Variants in NEXMIF observed in about 807,000 individuals in gnomAD.
NEXMIF encodes the protein XLMR protein related to neurite extension.
NEXMIF carries 8 observed loss-of-function variants against 62.1 expected under a neutral mutation model. That is an observed-to-expected ratio of 0.13 (90% CI 0.08 to 0.23). NEXMIF has a LOEUF of 0.23. Ranked by LOEUF, NEXMIF falls within the 10% of genes least tolerant of loss-of-function variation. The pLI, the probability that NEXMIF is intolerant of heterozygous loss-of-function variation, is 1.00. For missense variants in NEXMIF, 976 were observed against 1,113.3 expected, an observed-to-expected ratio of 0.88 and a Z score of 1.75; for synonymous variants, 404 against 416.6, an observed-to-expected ratio of 0.97 and a Z score of 0.37.
intron 1 of NEXMIF, among the ~76,000 whole-genome samples, chrX:74,787,294 GA>G (rs34477446): frequency 0.014 from 1,335 of 94,858 alleles, 24 homozygotes; most frequent in African/African-American, 0.049. Flanking sequence ...AAAGAAAAAA[GA>G]AAAAAAAAAA....
At chrX:74,796,135 TATATATATTATATATATAC>T (rs1436793283) in intron 1 of NEXMIF, among the ~76,000 whole-genome samples, 1 of 75,255 alleles carries the variant, frequency 1.3e-5, no homozygotes, top group Non-Finnish European at 2.4e-5. Context: ...TTATATATAA[TATATATATTATATATATAC>T]ATATATATTA....
At chrX:74,789,295 G>C (rs1321162219) in intron 1 of NEXMIF, among the ~76,000 whole-genome samples, 5 of 106,123 alleles carry the variant, frequency 4.7e-5, no homozygotes, top group Non-Finnish European at 9.7e-5. Context: ...CCCTACAAAG[G>C]ACATGAACTC....
At chrX:74,791,123 T>C (rs1465302855) in intron 1 of NEXMIF, among the ~76,000 whole-genome samples, 1 of 110,685 alleles carries the variant, frequency 9.0e-6, no homozygotes, top group East Asian at 2.8e-4. Flanking sequence ...TTGTCATAGA[T>C]AGCTCTTATT....
chrX:74,778,976 C>G (rs1602224674), intron 1 of NEXMIF, among the ~76,000 whole-genome samples: 1 of 112,062 alleles, frequency 8.9e-6, no homozygotes, highest in Non-Finnish European at 1.9e-5. Context: ...TCAGAGACAA[C>G]AAAGGCTTTC....
At chrX:74,755,670 C>T (rs1264785089) in intron 1 of NEXMIF, among the ~76,000 whole-genome samples, 1 of 112,005 alleles carries the variant, frequency 8.9e-6, no homozygotes, top group Non-Finnish European at 1.9e-5. Context: ...AACTGCTAGG[C>T]AATCCATGCC....
At chrX:74,814,861 G>A (rs1384582859) in intron 1 of NEXMIF, among the ~76,000 whole-genome samples, 1 of 111,592 alleles carries the variant, frequency 9.0e-6, no homozygotes, top group Non-Finnish European at 1.9e-5. Context: ...CTGAGCTCTG[G>A]GACTAGCTTG....
chrX:74,875,142 GCT>G, intron 1 of NEXMIF, among the ~76,000 whole-genome samples: 1 of 111,104 alleles, frequency 9.0e-6, no homozygotes, highest in Middle Eastern at 4.6e-3. Flanking sequence ...GTCATAGATA[GCT>G]CTTATTATTT....
chrX:74,887,031 C>G (rs1401636832), intron 1 of NEXMIF, among the ~76,000 whole-genome samples: 40 of 111,936 alleles, frequency 3.6e-4, no homozygotes, highest in African/African-American at 1.2e-3. Flanking sequence ...ACAAAGCTGA[C>G]AAAAACAAGC....
chrX:74,745,520 A>T, intron 2 of NEXMIF, 52 bp downstream of exon 2: 1 of 889,118 alleles, frequency 1.1e-6, no homozygotes, highest in Non-Finnish European at 1.7e-6. Flanking sequence ...CCATAGTAAT[A>T]ACAGAGGACT....
intron 1 of NEXMIF, among the ~76,000 whole-genome samples, chrX:74,796,736 T>G (rs1334944408): frequency 9.0e-6 from 1 of 111,313 alleles, no homozygotes; most frequent in Non-Finnish European, 1.9e-5. Flanking sequence ...AAATAAATAT[T>G]AGCCCACATA....
rs748955400 is a variant in NEXMIF at position 74,875,076 on chromosome X, T to G, written c.-48+49807A>C. On this transcript the variant is annotated intron_variant, in intron 1 of 3. Coordinates refer to ENST00000055682, the MANE Select transcript of NEXMIF (RefSeq NM_001008537.3). ...AGGGCATCCCTGTCTTGTGCCAGTT[T>G]TCAAAGGGAATGCTTCCAGTTTTTG... 1.2e-3 allele frequency among the ~76,000 whole-genome samples: 131 copies of G among 111,778 alleles called. No homozygotes were observed. The Middle Eastern group carries it at 0.014, about 12-fold the overall frequency.
chrX:74,779,136 T>C, intron 1 of NEXMIF, among the ~76,000 whole-genome samples: 1 of 112,461 alleles, frequency 8.9e-6, no homozygotes, highest in Non-Finnish European at 1.9e-5. Flanking sequence ...CTTAAGCCTA[T>C]AAGCTAACCA....
chrX:74,785,604 T>C (rs1301358850), intron 1 of NEXMIF, among the ~76,000 whole-genome samples: 1 of 112,404 alleles, frequency 8.9e-6, no homozygotes, highest in Non-Finnish European at 1.9e-5. Flanking sequence ...CAAGGAAAAT[T>C]ACACTTTAAA....
At chrX:74,923,683 C>T (rs1420281611) in intron 1 of NEXMIF, among the ~76,000 whole-genome samples, 2 of 111,797 alleles carry the variant, frequency 1.8e-5, no homozygotes, top group Non-Finnish European at 3.8e-5. Context: ...GCAAAATATT[C>T]CAGGAACTCC....
chrX:74,743,653 T>C lies in NEXMIF; in HGVS notation c.904A>G (p.Thr302Ala), dbSNP rs766826271. Residue 302 changes from threonine to alanine, a missense_variant, in exon 3 of 4, where the codon ACA becomes GCA. Around this residue, in one of 5 missense-constraint regions of NEXMIF, gnomAD observed 45 missense variants for 86.8 expected, o/e 0.52. Coordinates refer to ENST00000055682, the MANE Select transcript of NEXMIF (RefSeq NM_001008537.3). The part of the protein sequence containing the change: ...DNYMFDDDES[T>A]LGSDVCSLKI... ...AGGGAGCAGACATCACTGCCTAGTG[T>C]TGATTCATCATCATCAAACATGTAG... is the stretch of plus-strand genomic sequence containing the variant. 8.3e-7 allele frequency: 1 copy of C among 1,209,843 alleles called. No homozygotes were observed. Among genetic ancestry groups the C allele is most frequent in the Non-Finnish European group, 1.1e-6 (1 of 893,630 alleles).
At chrX:74,836,869 A>T (rs1303168384) in intron 1 of NEXMIF, among the ~76,000 whole-genome samples, 1 of 110,897 alleles carries the variant, frequency 9.0e-6, no homozygotes, top group African/African-American at 3.3e-5. Context: ...GCCACCTGGA[A>T]ATTGCAGTCA....
At chrX:74,808,719 T>C (rs1397033314) in intron 1 of NEXMIF, among the ~76,000 whole-genome samples, 5 of 112,010 alleles carry the variant, frequency 4.5e-5, no homozygotes, top group African/African-American at 1.6e-4. Context: ...TTTTGGAAGG[T>C]TAATTGTTGA....
Position 74,732,900 on chromosome X carries a change from C to T in NEXMIF, c.*6505G>A, listed in dbSNP as rs2080075951. ...TATTACTTTCAATAAACAGCTTTAACACTTTGAGAGGACTGCATCTCTGCA... is the reference window on the plus strand; with the variant it reads ...TATTACTTTCAATAAACAGCTTTAATACTTTGAGAGGACTGCATCTCTGCA... On this transcript the variant is annotated 3_prime_UTR_variant, in exon 4 of 4. Coordinates refer to ENST00000055682, the MANE Select transcript of NEXMIF (RefSeq NM_001008537.3). 1 of 111,746 alleles carries T rather than the reference C, an allele frequency of 8.9e-6. No individual in the cohort carries two copies. The highest frequency in any genetic ancestry group is 9.5e-5 in the Admixed American group (1 of 10,526). 9.2% of individuals were successfully genotyped at this position (111,746 alleles called of 1,213,427 possible).
intron 1 of NEXMIF, among the ~76,000 whole-genome samples, chrX:74,792,417 G>C (rs1486506307): frequency 9.4e-6 from 1 of 105,822 alleles, no homozygotes; most frequent in Non-Finnish European, 1.9e-5. Context: ...TTTTGGAATA[G>C]GTGTGGCGTG....
Sources: gnomAD v4.1 joint callset for allele counts (sites outside exome capture counted in the v4.1 genomes callset) on GRCh38, gnomAD v4.1.1 for gene constraint, gnomAD v4.1.1 regional missense constraint, MANE v1.5 for transcripts, NCBI Gene and HGNC (gene_info 2026-07-23, HGNC 2026-07-21) for gene names.